CMKLR2: variants seen among roughly 807,000 people sequenced by gnomAD.
CMKLR2 encodes the protein chemerin-like receptor 2.
A neutral mutation model predicts 23.0 loss-of-function variants in CMKLR2; 18 were observed. The ratio of observed to expected loss-of-function variants is 0.78; its 90% CI spans 0.54 to 1.16. The LOEUF (loss-of-function observed/expected upper bound fraction) is 1.16. Ranked by LOEUF, CMKLR2 falls within the 50% of genes most tolerant of loss-of-function variation. The pLI, the probability that CMKLR2 is intolerant of heterozygous loss-of-function variation, is 0.00. For missense variants in CMKLR2, 401 were observed against 412.7 expected, an observed-to-expected ratio of 0.97 and a Z score of 0.25; for synonymous variants, 158 against 158.9, an observed-to-expected ratio of 0.99 and a Z score of 0.05.
intron 1 of CMKLR2, among the ~76,000 whole-genome samples, chr2:206,211,760 A>T (rs1689573328): frequency 6.7e-6 from 1 of 148,226 alleles, no homozygotes; most frequent in East Asian, 2.0e-4. Flanking sequence ...AAAAACACAC[A>T]CATTAAAAAA....
At chr2:206,203,392 G>A (rs73069603) in intron 1 of CMKLR2, 21 of 148,932 alleles carry the variant, frequency 1.4e-4, no homozygotes, top group African/African-American at 5.2e-4. Flanking sequence ...ATTACAAATC[G>A]TGTCCACAGC....
At chr2:206,210,130 AT>A (rs1300550472) in intron 1 of CMKLR2, among the ~76,000 whole-genome samples, 1 of 150,506 alleles carries the variant, frequency 6.6e-6, no homozygotes, top group Non-Finnish European at 1.5e-5. Context: ...TGACTGGCTA[AT>A]TTTTGTATTT....
At chr2:206,213,258 T>A (rs1343368736) in intron 1 of CMKLR2, 49 bp downstream of exon 1, 1 of 152,180 alleles carries the variant, frequency 6.6e-6, no homozygotes, top group Non-Finnish European at 1.5e-5. Context: ...CCTCATCAGG[T>A]CCACTGTAAA....
chr2:206,217,602 A>G (rs1689796120), upstream of CMKLR2: 1 of 152,216 alleles, frequency 6.6e-6, no homozygotes, highest in African/African-American at 2.4e-5. Flanking sequence ...AGATTTCCGA[A>G]GTTCTAATTA....
chr2:206,180,760 T>TTATTATTATTAC (rs1214466661), intron 1 of CMKLR2, among the ~76,000 whole-genome samples: 1 of 146,930 alleles, frequency 6.8e-6, no homozygotes, highest in Non-Finnish European at 1.5e-5. Context: ...ATTATTATTA[T>TTATTATTATTAC]TATTATTATT....
chr2:206,210,505 C>G (rs2105843451), intron 1 of CMKLR2, among the ~76,000 whole-genome samples: 1 of 150,282 alleles, frequency 6.7e-6, no homozygotes, highest in Non-Finnish European at 1.5e-5. Flanking sequence ...ATTGCCCAGG[C>G]TGGAGTGCAA....
At position 206,176,183 on chromosome 2, in the gene CMKLR2, T is replaced by C. The variant is rs148655921; in HGVS notation, c.1065A>G (p.Gln355=). The C allele has an allele frequency of 1.4e-5, 23 of 1,600,600 alleles. No homozygotes were observed. The highest frequency in any genetic ancestry group is 1.9e-5 in the Non-Finnish European group (22 of 1,173,470). ...TKNLCLLETA[Q] is the part of the protein sequence containing the mutation. The stretch of plus-strand genomic sequence containing the variant: ...TGATTTGTGGAAAAGTAATAACTTA[T>C]TGAGCTGTTTCCAGGAGACACAGAT... The change falls in exon 2 of 2, where the codon CAA becomes CAG. Residue 355 remains glutamine, a synonymous_variant. Transcript: ENST00000621141.
intron 1 of CMKLR2, among the ~76,000 whole-genome samples, chr2:206,193,985 G>A (rs984019473): frequency 6.6e-6 from 1 of 152,204 alleles, no homozygotes; most frequent in Non-Finnish European, 1.5e-5. Context: ...AACTGAATTG[G>A]TGGTCAATGT....
chr2:206,211,300 A>C (rs16838083), intron 1 of CMKLR2, among the ~76,000 whole-genome samples: 5,915 of 152,186 alleles, frequency 0.039, 175 homozygotes, highest in East Asian at 0.12. Flanking sequence ...TGGAGGAACT[A>C]TACCCAATTC....
upstream of CMKLR2, chr2:206,217,712 A>G (rs1689799081): frequency 6.6e-6 from 1 of 152,180 alleles, no homozygotes; most frequent in South Asian, 2.1e-4. Context: ...TCCAGATACA[A>G]AGCATTTTTA....
At chr2:206,193,629 T>C (rs72944886) in intron 1 of CMKLR2, among the ~76,000 whole-genome samples, 6,901 of 152,288 alleles carry the variant, frequency 0.045, 233 homozygotes, top group Non-Finnish European at 0.073. Flanking sequence ...TGGGCAATGT[T>C]ATGTATCGTA....
At chr2:206,191,986 G>A (rs1249043011) in intron 1 of CMKLR2, among the ~76,000 whole-genome samples, 6 of 151,428 alleles carry the variant, frequency 4.0e-5, no homozygotes, top group South Asian at 2.1e-4. Flanking sequence ...GATTACAGGC[G>A]CACACCACCA....
At chr2:206,204,353 C>CAAAAAAAA (rs373840930) in intron 1 of CMKLR2, among the ~76,000 whole-genome samples, 1 of 44,212 alleles carries the variant, frequency 2.3e-5, no homozygotes, top group Non-Finnish European at 4.4e-5. Context: ...GACTCCATCT[C>CAAAAAAAA]AAAAAAAAAA....
At chr2:206,217,888 A>G (rs1370109828), upstream of CMKLR2, 1 of 152,136 alleles carries the variant, frequency 6.6e-6, no homozygotes, top group Non-Finnish European at 1.5e-5. Flanking sequence ...CTCTGTCTGA[A>G]TCCTTGTGGT....
At position 206,176,756 on chromosome 2, in the gene CMKLR2, C is replaced by T. The variant is rs940458748; in HGVS notation, c.492G>A (p.Leu164=). ...GGGCAGGACCGCCAATTAGAGAAGC[C>T]AAAAGCCAGATGAATATAATGACAA... The part of the protein sequence containing the change: ...SLIVIIFIWL[L]ASLIGGPALY... Residue 164 remains leucine (L), a synonymous_variant, in exon 2 of 2, where the codon TTG becomes TTA. Coordinates refer to ENST00000621141, the MANE Select transcript of CMKLR2 (RefSeq NM_001389445.1). 1.2e-6 allele frequency: 2 copies of T among 1,613,986 alleles called. No individual in the cohort carries two copies. Among genetic ancestry groups the T allele is most frequent in the African/African-American group, 2.7e-5 (2 of 74,874 alleles).
upstream of CMKLR2, chr2:206,217,740 A>G (rs1158515540): frequency 2.0e-5 from 3 of 152,218 alleles, no homozygotes; most frequent in South Asian, 2.1e-4. Context: ...TTTCTTAACT[A>G]CAATATACTG....
rs35488030 is a variant in CMKLR2 at position 206,203,161 on chromosome 2, C to CAA, written c.-29+10144_-29+10145dup. On this transcript the variant is annotated intron_variant, in intron 1 of 1. Transcript: ENST00000621141. ...TGAAACCCAGTCTCTTCTAAAACTA[C>CAA]AAAAAAAAAAAAAAAAATTAGCCGG... 6.2e-4 allele frequency among the ~76,000 whole-genome samples: 74 copies of CAA among 119,024 alleles called. 1 individual carries two copies. Among genetic ancestry groups the CAA allele is most frequent in the African/African-American group, 1.7e-3 (54 of 31,088 alleles). 78.1% of individuals were successfully genotyped at this position (119,024 alleles called of 152,430 possible).
chr2:206,176,853 C>G lies in CMKLR2; in HGVS notation c.395G>C (p.Ser132Thr). ...GATCAAGTGGATATAGTGGTCCAGG[C>G]TGATCACTGTCAGGAAAAAAACACT... ...FASVFFLTVISLDHYIHLIHP... is the reference protein window; with the variant it reads ...FASVFFLTVITLDHYIHLIHP... The change falls in exon 2 of 2, where the codon AGC becomes ACC. Residue 132 changes from serine (S) to threonine (T), a missense_variant. Ser to Thr is a moderately conservative substitution (Grantham distance 58). Coordinates refer to ENST00000621141, the MANE Select transcript of CMKLR2 (RefSeq NM_001389445.1). The G allele has an allele frequency of 6.2e-7, 1 of 1,614,118 alleles. No individual in the cohort carries two copies. The highest frequency in any genetic ancestry group is 8.5e-7 in the Non-Finnish European group (1 of 1,180,016).
chr2:206,181,718 C>T (rs1308857475), intron 1 of CMKLR2, among the ~76,000 whole-genome samples: 3 of 151,984 alleles, frequency 2.0e-5, no homozygotes, highest in Non-Finnish European at 2.9e-5. Context: ...TTCGGGAGGC[C>T]GAGGTGGGTG....
Sources: allele counts gnomAD v4.1 joint callset (sites outside exome capture counted in the v4.1 genomes callset), GRCh38; gene constraint gnomAD v4.1.1; transcripts MANE v1.5; gene names NCBI Gene and HGNC (gene_info 2026-07-23, HGNC 2026-07-21).